Variants in SLIT1 observed in about 807,000 individuals in gnomAD.
The protein encoded by SLIT1 is slit guidance ligand 1, also known as slit homolog 1 protein.
SLIT1 carries 66 observed loss-of-function variants against 186.1 expected under a neutral mutation model. The ratio of observed to expected loss-of-function variants is 0.35; its 90% CI spans 0.29 to 0.44. SLIT1 has a LOEUF of 0.44. SLIT1 is among the 20% of genes least tolerant of loss of function. The probability of loss-of-function intolerance (pLI) is 1.00; values close to 1 mark genes in which losing one functional copy is unlikely to be tolerated. For missense variants in SLIT1, 1,638 were observed against 2,037.4 expected, an observed-to-expected ratio of 0.80 and a Z score of 3.77; for synonymous variants, 761 against 833.8, an observed-to-expected ratio of 0.91 and a Z score of 1.50.
rs1328847312 is a variant in SLIT1, at chr10:97,002,941, T to C, written c.3917A>G (p.Asn1306Ser). 3 of 1,614,058 alleles carry C rather than the reference T, an allele frequency of 1.9e-6. No homozygotes were observed. Among genetic ancestry groups the C allele is most frequent in the Admixed American group, 3.3e-5 (2 of 60,006 alleles). ...GATGCAACCGTGGAAGCCGGTGCCG[T>C]TGAGGATCTGCCACAGGCGGAAGGC... ...SAAFRLWQILNGTGFHGCIRN... is the reference protein window; with the variant it reads ...SAAFRLWQILSGTGFHGCIRN... Residue 1306 changes from asparagine to serine, a missense_variant, in exon 35 of 37, where the codon AAC becomes AGC. Coordinates refer to ENST00000266058, the MANE Select transcript of SLIT1 (RefSeq NM_003061.3).
At chr10:97,032,077 C>T (rs1376838747) in intron 23 of SLIT1, among the ~76,000 whole-genome samples, 1 of 152,246 alleles carries the variant, frequency 6.6e-6, no homozygotes, top group Non-Finnish European at 1.5e-5. Context: ...AGGCGAGTTC[C>T]CTATGAAGGT....
At chr10:97,051,261 C>CAAA (rs5787214) in intron 13 of SLIT1, among the ~76,000 whole-genome samples, 15,126 of 147,790 alleles carry the variant, frequency 0.1, 931 homozygotes, top group Middle Eastern at 0.14. Flanking sequence ...AATCAAAATG[C>CAAA]AAAAAAAAAA....
At chr10:97,097,455 A>G (rs776331397) in intron 4 of SLIT1, among the ~76,000 whole-genome samples, 6 of 152,248 alleles carry the variant, frequency 3.9e-5, no homozygotes, top group Non-Finnish European at 8.8e-5. Context: ...AGGTCACTTC[A>G]TTAAGACGGT....
rs904365948 is a variant in SLIT1 at position 97,068,386 on chromosome 10, C to G, written c.414-2300G>C. Among the ~76,000 whole-genome samples, 2 of 152,154 alleles carry G rather than the reference C, an allele frequency of 1.3e-5. No individual in the cohort carries two copies. The highest frequency in any genetic ancestry group is 4.8e-5 in the African/African-American group (2 of 41,420). ...TGGCAAAGCAATTGCCTTCCCGTCC[C>G]CACAGAGTGGGCACCAACATCTATG... On this transcript the variant is annotated intron_variant, in intron 4 of 36. Transcript: ENST00000266058. This position sits in a 1 kb window ranked among gnomAD's most constrained non-coding sequence, Gnocchi z 4.2.
At chr10:97,156,058 A>C (rs939553983) in intron 4 of SLIT1, among the ~76,000 whole-genome samples, 1 of 152,190 alleles carries the variant, frequency 6.6e-6, no homozygotes, top group African/African-American at 2.4e-5. Flanking sequence ...GGGAAAAATT[A>C]AGCACCCACT....
chr10:97,106,358 A>T (rs1342351471), intron 4 of SLIT1, among the ~76,000 whole-genome samples: 1 of 151,552 alleles, frequency 6.6e-6, no homozygotes, highest in African/African-American at 2.4e-5. Flanking sequence ...GCCTATGTGG[A>T]AGAGACTAGG....
chr10:97,119,029 G>T (rs1220040593), intron 4 of SLIT1, among the ~76,000 whole-genome samples: 1 of 152,220 alleles, frequency 6.6e-6, no homozygotes, highest in Non-Finnish European at 1.5e-5. Flanking sequence ...AAGTTTCCAC[G>T]CAGCCCAGCA....
At chr10:97,143,649 AGG>A (rs1849787544) in intron 4 of SLIT1, among the ~76,000 whole-genome samples, 1 of 152,204 alleles carries the variant, frequency 6.6e-6, no homozygotes, top group Admixed American at 6.5e-5. Context: ...GATGAGAGGT[AGG>A]ACAGCCTAGA....
intron 24 of SLIT1, 105 bp downstream of exon 24, chr10:97,031,501 G>T: frequency 1.2e-6 from 1 of 835,970 alleles, no homozygotes; most frequent in South Asian, 1.7e-5. Flanking sequence ...CTCCACCATG[G>T]CACAGCGTGG....
At position 97,004,256 on chromosome 10, in the gene SLIT1, T is replaced by A; in HGVS notation, c.3711-34A>T. 1 of 1,586,744 alleles carries A rather than the reference T, an allele frequency of 6.3e-7. No individual in the cohort carries two copies. The highest frequency in any genetic ancestry group is 8.6e-7 in the Non-Finnish European group (1 of 1,159,192). Reference sequence around the variant, plus strand: ...AGAGGGGGTTCCCCGTTCCAGGGAGTGGGCATCAGTCTGGACCATCCCTGC... The same window carrying A: ...AGAGGGGGTTCCCCGTTCCAGGGAGAGGGCATCAGTCTGGACCATCCCTGC... On this transcript the variant is annotated intron_variant, in intron 33 of 36. Transcript: ENST00000266058. The surrounding 1 kb of genome is among the most constrained non-coding windows in gnomAD (Gnocchi z 5.1).
rs144855412 is a variant in SLIT1, at chr10:97,040,056, G to A, written c.2229C>T (p.Thr743=). ...QCPQECACLD[T]VVRCSNKHLR... Reference sequence around the variant, plus strand: ...GGTGCTTGTTGCTGCATCGGACCACGGTGTCCAGGCAGGCGCACTCCTGTG... The same window carrying A: ...GGTGCTTGTTGCTGCATCGGACCACAGTGTCCAGGCAGGCGCACTCCTGTG... The change falls in exon 21 of 37, where the codon ACC becomes ACT. Residue 743 remains threonine (T), a synonymous_variant. Transcript: ENST00000266058. The A allele has an allele frequency of 6.6e-5, 107 of 1,612,328 alleles. No individual in the cohort carries two copies. The East Asian group carries it at 1.0e-3, about 16-fold the overall frequency.
chr10:97,059,985 G>T, intron 10 of SLIT1, 102 bp downstream of exon 10: 1 of 1,018,746 alleles, frequency 9.8e-7, no homozygotes, highest in Non-Finnish European at 1.6e-6. Context: ...AGGCCACTCA[G>T]CTGTGGGGGG....
chr10:97,060,509 G>C (rs1848883253), intron 9 of SLIT1, 131 bp downstream of exon 9: 1 of 1,139,408 alleles, frequency 8.8e-7, no homozygotes, highest in African/African-American at 1.5e-5. Context: ...GAGGCAAACT[G>C]TGTCTTCTCT....
At chr10:97,034,000 G>A (rs1412007940) in intron 23 of SLIT1, among the ~76,000 whole-genome samples, 3 of 152,118 alleles carry the variant, frequency 2.0e-5, no homozygotes, top group South Asian at 2.1e-4. Context: ...AAGTAGGTGG[G>A]ACTACAGGCA....
In SLIT1 at chr10:97,173,918, C is replaced by T. The variant is rs1850223863; in HGVS notation, c.198-9028G>A. Among the ~76,000 whole-genome samples the T allele has an allele frequency of 2.0e-5, 3 of 152,182 alleles. No individual in the cohort carries two copies. The South Asian group carries it at 6.2e-4, about 32-fold the overall frequency. ...CCAGGGGGTAGAAGAATAATTATTC[C>T]TCAGCCCTTTAATAGGAAAATACCA... On this transcript the variant is annotated intron_variant, in intron 1 of 36. Transcript: ENST00000266058.
rs144825376 is a variant in SLIT1, at chr10:97,111,121, C to T, written c.414-45035G>A. Among the ~76,000 whole-genome samples, 131 of 151,684 alleles carry T rather than the reference C, an allele frequency of 8.6e-4. 1 individual carries two copies. Among genetic ancestry groups the T allele is most frequent in the African/African-American group, 3.0e-3 (122 of 41,320 alleles). ...AGGAGAATTGCTTGAACCTGGGAGG[C>T]GGAGGTTGCAGTGAGCTGGGGTCGC... On this transcript the variant is annotated intron_variant, in intron 4 of 36. Coordinates refer to ENST00000266058, the MANE Select transcript of SLIT1 (RefSeq NM_003061.3).
intron 15 of SLIT1, 42 bp downstream of exon 15, chr10:97,047,931 C>T (rs780165114): frequency 2.5e-6 from 4 of 1,613,708 alleles, no homozygotes; most frequent in Admixed American, 3.3e-5. Flanking sequence ...CCCACTACCA[C>T]CATTCCCGCC....
intron 4 of SLIT1, among the ~76,000 whole-genome samples, chr10:97,105,165 G>A (rs2134674486): frequency 6.6e-6 from 1 of 152,250 alleles, no homozygotes; most frequent in Middle Eastern, 3.4e-3. Context: ...ATAGAAAGAA[G>A]GGGGGCATGC....
At chr10:97,148,998 C>G (rs1849846132) in intron 4 of SLIT1, among the ~76,000 whole-genome samples, 1 of 152,212 alleles carries the variant, frequency 6.6e-6, no homozygotes. Flanking sequence ...CAGGGCACAC[C>G]GCGTTTGCCA....
Sources: allele counts gnomAD v4.1 joint callset (sites outside exome capture counted in the v4.1 genomes callset), GRCh38; gene constraint gnomAD v4.1.1; non-coding constraint Gnocchi (gnomAD v3.1); transcripts MANE v1.5; gene names NCBI Gene and HGNC (gene_info 2026-07-23, HGNC 2026-07-21).